FAXDC2: variants seen among roughly 807,000 people sequenced by gnomAD.
FAXDC2 encodes the protein fatty acid hydroxylase domain-containing protein 2.
In FAXDC2, 41 loss-of-function variants were observed where a neutral mutation model predicts 40.9. That is an observed-to-expected ratio of 1.00 (90% CI 0.78 to 1.30). The LOEUF (loss-of-function observed/expected upper bound fraction) is 1.30. Among genes scored for constraint, FAXDC2 ranks in the 50% most tolerant of loss-of-function variants. The pLI is 0.00. For synonymous variants in FAXDC2, 157 were observed against 149.3 expected (o/e 1.05, Z -0.38); for missense variants, 390 against 408.8 (o/e 0.95, Z 0.40).
intron 2 of FAXDC2, chr5:154,835,205 A>G: frequency 2.6e-6 from 1 of 383,670 alleles, no homozygotes; most frequent in East Asian, 5.3e-5. Flanking sequence ...CTAGCAGGCA[A>G]TTCTGTCAGT....
At chr5:154,839,269 T>G (rs942679816) in intron 1 of FAXDC2, among the ~76,000 whole-genome samples, 2 of 146,856 alleles carry the variant, frequency 1.4e-5, no homozygotes, top group Non-Finnish European at 3.0e-5. Context: ...GAGGTTGCAC[T>G]GAGCCAAGAT....
chr5:154,820,504 A>G lies in FAXDC2; in HGVS notation c.846-32T>C, dbSNP rs755414227. The G allele has an allele frequency of 8.9e-6, 14 of 1,570,072 alleles. No individual in the cohort carries two copies. In the East Asian group the frequency reaches 3.2e-4, roughly 36 times the overall value. ...GAGAGAGGACGGCACTGCAGTGCCC[A>G]TGCTGGAGGCTTCCGTGCAGATCCC... On this transcript the variant is annotated intron_variant, in intron 8 of 8. Transcript: ENST00000326080.
chr5:154,838,047 T>G, intron 2 of FAXDC2, 84 bp downstream of exon 2: 1 of 881,264 alleles, frequency 1.1e-6, no homozygotes, highest in Admixed American at 1.9e-5. Flanking sequence ...TTGGGGGAGA[T>G]GTTGGATGCA....
At chr5:154,845,565 A>T (rs937145615) in intron 1 of FAXDC2, among the ~76,000 whole-genome samples, 1 of 152,098 alleles carries the variant, frequency 6.6e-6, no homozygotes, top group African/African-American at 2.4e-5. Context: ...CACAGGCCCT[A>T]TATCCACAAA....
chr5:154,827,748 A>T (rs1278808229), intron 5 of FAXDC2, among the ~76,000 whole-genome samples: 1 of 151,696 alleles, frequency 6.6e-6, no homozygotes, highest in African/African-American at 2.4e-5. Flanking sequence ...GTGTTTTGTC[A>T]TGTTGCCCAG....
At position 154,842,276 on chromosome 5, in the gene FAXDC2, C is replaced by A. The variant is rs1002814396; in HGVS notation, c.1-4098G>T. ...GTAGTGGCACAATCTCAGCTCACGG[C>A]AACCTCCACCTCCTGGGTTCAAGCA... is the stretch of plus-strand genomic sequence containing the variant. On this transcript the variant is annotated intron_variant, in intron 1 of 8. Transcript: ENST00000326080. 7.2e-5 allele frequency among the ~76,000 whole-genome samples: 11 copies of A among 152,090 alleles called. 1 individual carries two copies. The highest frequency in any genetic ancestry group is 5.9e-5 in the Non-Finnish European group (4 of 68,024).
At chr5:154,831,464 T>C (rs896862080) in intron 4 of FAXDC2, among the ~76,000 whole-genome samples, 1 of 152,122 alleles carries the variant, frequency 6.6e-6, no homozygotes, top group African/African-American at 2.4e-5. Context: ...TGTTTGTTTT[T>C]TTGAGACAAA....
In FAXDC2 at chr5:154,823,439, C is replaced by A; in HGVS notation, c.520G>T (p.Glu174Ter). 1 of 1,614,098 alleles carries A rather than the reference C, an allele frequency of 6.2e-7. No individual in the cohort carries two copies. ...ELPTFHWFLL[E>*]LAIFTLIEEV... ...TCGATCAGCGTGAAGATGGCCAGCT[C>A]CAGGAGGAACCAGTGGAAGGTGGGT... Residue 174 changes from glutamate to a stop codon, truncating the protein, a stop_gained, in exon 6 of 9, where the codon GAG becomes TAG. Transcript: ENST00000326080. LOFTEE classifies it high-confidence loss of function.
rs888750579 is a variant in FAXDC2, at chr5:154,819,344, T to A, written c.*972A>T. ...GGTTCCTGGTAAAAATCATCTTGAA[T>A]AAATGTTGCTGAGAAACTGGTAAAG... is the stretch of plus-strand genomic sequence containing the variant. On this transcript the variant is annotated 3_prime_UTR_variant, in exon 9 of 9. Coordinates refer to ENST00000326080, the MANE Select transcript of FAXDC2 (RefSeq NM_032385.5). 6.6e-6 allele frequency: 1 copy of A among 152,156 alleles called. No individual in the cohort carries two copies. Among genetic ancestry groups the A allele is most frequent in the Non-Finnish European group, 1.5e-5 (1 of 68,024 alleles). 9.4% of individuals were successfully genotyped at this position (152,156 alleles called of 1,614,324 possible). A position where few individuals can be genotyped will look rare whatever the true frequency, so the allele number is the denominator to read the frequency against.
At chr5:154,834,487 AC>A (rs1487441462) in intron 4 of FAXDC2, 137 bp downstream of exon 4, 69 of 646,488 alleles carry the variant, frequency 1.1e-4, no homozygotes, top group Non-Finnish European at 1.5e-4. Flanking sequence ...CTTTGGGACT[AC>A]CACTTTTTTG....
intron 2 of FAXDC2, 197 bp from the exon 3 acceptor site, chr5:154,835,131 T>G: frequency 1.9e-6 from 1 of 532,876 alleles, no homozygotes; most frequent in Non-Finnish European, 3.3e-6. Flanking sequence ...TGTACATGGG[T>G]GTGTTTATGA....
chr5:154,842,598 C>T (rs1760505509), intron 1 of FAXDC2, among the ~76,000 whole-genome samples: 1 of 137,250 alleles, frequency 7.3e-6, no homozygotes, highest in Admixed American at 7.9e-5. Context: ...TCTCGGCTCA[C>T]TGCAACCTCT....
chr5:154,827,977 G>A (rs1164922746), intron 5 of FAXDC2, among the ~76,000 whole-genome samples: 3 of 151,018 alleles, frequency 2.0e-5, no homozygotes, highest in African/African-American at 7.3e-5. Flanking sequence ...AGCTTCCCAA[G>A]TAGCTGGGAC....
intron 4 of FAXDC2, among the ~76,000 whole-genome samples, 195 bp downstream of exon 4, chr5:154,834,427 GCTT>G (rs989586657): frequency 3.9e-5 from 6 of 152,124 alleles, no homozygotes; most frequent in African/African-American, 1.2e-4. Flanking sequence ...TAACTTCTCA[GCTT>G]CTTTTTTTAG....
chr5:154,838,183 A>G lies in FAXDC2; in HGVS notation c.1-5T>C. 6.2e-7 allele frequency: 1 copy of G among 1,613,572 alleles called. No individual in the cohort carries two copies. The highest frequency in any genetic ancestry group is 8.5e-7 in the Non-Finnish European group (1 of 1,179,802). On this transcript the variant is annotated splice_polypyrimidine_tract_variant and splice_region_variant and intron_variant, in intron 1 of 8. Transcript: ENST00000326080. ...ATGTCCAGCTTCTCCTTTCATCTGGAATGAGAAAGCACAGGCGAGCCGGGG... is the reference window on the plus strand; with the variant it reads ...ATGTCCAGCTTCTCCTTTCATCTGGGATGAGAAAGCACAGGCGAGCCGGGG...
intron 1 of FAXDC2, among the ~76,000 whole-genome samples, chr5:154,848,446 G>C (rs1260955223): frequency 6.6e-6 from 1 of 152,086 alleles, no homozygotes; most frequent in Non-Finnish European, 1.5e-5. Flanking sequence ...ACAGGGAGAG[G>C]GCAACTGACC....
intron 1 of FAXDC2, among the ~76,000 whole-genome samples, chr5:154,845,789 ATTT>A (rs58726575): frequency 7.4e-6 from 1 of 134,588 alleles, no homozygotes; most frequent in Non-Finnish European, 1.6e-5. Flanking sequence ...TTGGACACCT[ATTT>A]TTTTTTTTTT....
chr5:154,820,102 C>G lies in FAXDC2; in HGVS notation c.*214G>C. 1 of 496,628 alleles carries G rather than the reference C, an allele frequency of 2.0e-6. No homozygotes were observed. The highest frequency in any genetic ancestry group is 3.7e-6 in the Non-Finnish European group (1 of 268,362). The allele number at this position is 496,628 out of a possible 1,614,324, so 30.8% of individuals were successfully genotyped here. On this transcript the variant is annotated 3_prime_UTR_variant, in exon 9 of 9. Transcript: ENST00000326080. Reference sequence around the variant, plus strand: ...GAGCTGTGTTTTCCTTTTTCTTAAGCTAACTCCTGATCCCATTGAGGGACA... The same window carrying G: ...GAGCTGTGTTTTCCTTTTTCTTAAGGTAACTCCTGATCCCATTGAGGGACA...
chr5:154,845,934 C>CTAATTTTT (rs1760588401), intron 1 of FAXDC2, among the ~76,000 whole-genome samples: 1 of 150,928 alleles, frequency 6.6e-6, no homozygotes, highest in South Asian at 2.1e-4. Flanking sequence ...TACAGGCATG[C>CTAATTTTT]GTCACCACAC....
Sources: gnomAD v4.1 joint callset for allele counts (sites outside exome capture counted in the v4.1 genomes callset) on GRCh38, gnomAD v4.1.1 for gene constraint, MANE v1.5 for transcripts, NCBI Gene and HGNC (gene_info 2026-07-23, HGNC 2026-07-21) for gene names.